PHC2: variants seen among roughly 807,000 people sequenced by gnomAD.
PHC2 encodes polyhomeotic-like protein 2.
A neutral mutation model predicts 87.4 loss-of-function variants in PHC2; 29 were observed. The observed-to-expected ratio is 0.33, with a 90% confidence interval of 0.25 to 0.45. The LOEUF (loss-of-function observed/expected upper bound fraction) is 0.45, where lower values mean the gene tolerates loss of function less well. Ranked by LOEUF, PHC2 falls within the 20% of genes least tolerant of loss-of-function variation. The probability of loss-of-function intolerance (pLI) is 1.00; values close to 1 mark genes in which losing one functional copy is unlikely to be tolerated. For synonymous variants in PHC2, 438 were observed against 461.7 expected (o/e 0.95, Z 0.66); for missense variants, 857 against 1,136.7 (o/e 0.75, Z 3.54).
At chr1:33,389,735 C>T (rs1648954803) in intron 1 of PHC2, among the ~76,000 whole-genome samples, 1 of 152,202 alleles carries the variant, frequency 6.6e-6, no homozygotes, top group African/African-American at 2.4e-5. Context: ...TCTACTGTGA[C>T]CACCGGCCTT....
intron 1 of PHC2, among the ~76,000 whole-genome samples, chr1:33,421,209 G>A (rs1650423719): frequency 6.6e-6 from 1 of 152,106 alleles, no homozygotes; most frequent in Admixed American, 6.5e-5. Flanking sequence ...GCACCCACAT[G>A]AGAAAAGCAA....
chr1:33,398,592 T>C (rs900319466), intron 1 of PHC2, among the ~76,000 whole-genome samples: 1 of 152,226 alleles, frequency 6.6e-6, no homozygotes, highest in East Asian at 1.9e-4. Context: ...ATCACAGTAT[T>C]CTTAGCACAA....
chr1:33,354,919 G>C lies in PHC2; in HGVS notation c.1311C>G (p.Pro437=). The C allele has an allele frequency of 6.2e-7, 1 of 1,614,108 alleles. No homozygotes were observed. The highest frequency in any genetic ancestry group is 8.5e-7 in the Non-Finnish European group (1 of 1,179,994). ...GTTGAGGGGTGTGGGGCACGCCCTC[G>C]GGATGTCCATTCTGAGGCCCAGTAT... is the stretch of plus-strand genomic sequence containing the variant. ...TPDTGPQNGH[P]EGVPHTPQRR... Residue 437 remains proline, a synonymous_variant, in exon 8 of 15, where the codon CCC becomes CCG. Transcript: ENST00000683057.
rs2148322148 is a variant in PHC2 at position 33,369,087 on chromosome 1, G to C, written c.577-465C>G. On this transcript the variant is annotated intron_variant, in intron 5 of 14. Coordinates refer to ENST00000683057, the MANE Select transcript of PHC2 (RefSeq NM_001385109.1). This position sits in a 1 kb window ranked among gnomAD's most constrained non-coding sequence, Gnocchi z 4.7. ...CCCAGGGCTGAGCCAAGATGAGACTGCCCTCCAGGGGATCAAGTTCGATGT... is the reference window on the plus strand; with the variant it reads ...CCCAGGGCTGAGCCAAGATGAGACTCCCCTCCAGGGGATCAAGTTCGATGT... Among the ~76,000 whole-genome samples, 1 of 152,328 alleles carries C rather than the reference G, an allele frequency of 6.6e-6. No homozygotes were observed. Among genetic ancestry groups the C allele is most frequent in the East Asian group, 1.9e-4 (1 of 5,188 alleles).
chr1:33,352,802 C>A (rs1043114442), intron 9 of PHC2, among the ~76,000 whole-genome samples: 1 of 152,136 alleles, frequency 6.6e-6, no homozygotes, highest in Non-Finnish European at 1.5e-5. Context: ...GGAAGGTGAG[C>A]GAGTGACTAC....
intron 1 of PHC2, among the ~76,000 whole-genome samples, chr1:33,384,134 G>A (rs954466566): frequency 2.0e-5 from 3 of 152,188 alleles, no homozygotes; most frequent in East Asian, 3.8e-4. Context: ...TAATATCATG[G>A]CTTTGTATGC....
In PHC2 at chr1:33,355,139, T is replaced by G; in HGVS notation, c.1091A>C (p.Gln364Pro). Residue 364 changes from glutamine to proline, a missense_variant, in exon 8 of 15, where the codon CAG (glutamine) becomes CCG (proline). Physicochemically the swap from Gln to Pro is moderately conservative, Grantham distance 76. This residue lies in a region of PHC2 where 832 missense variants were observed against 1,081.8 expected (regional missense o/e 0.77). Transcript: ENST00000683057. ...AGCTTGGAGCACAGGCCGTGACTGC[T>G]GGGGCGGCGGCTGCTGCTGTTGTGG... is the stretch of plus-strand genomic sequence containing the variant. Reference protein sequence around the residue: ...PQPQQQQPPPQQSRPVLQAEP... With the variant: ...PQPQQQQPPPPQSRPVLQAEP... The G allele has an allele frequency of 6.2e-7, 1 of 1,611,566 alleles. No individual in the cohort carries two copies. The highest frequency in any genetic ancestry group is 8.5e-7 in the Non-Finnish European group (1 of 1,179,136).
chr1:33,334,990 G>A lies in PHC2; in HGVS notation c.1559-698C>T, dbSNP rs1409137484. Among the ~76,000 whole-genome samples, 2 of 152,174 alleles carry A rather than the reference G, an allele frequency of 1.3e-5. No homozygotes were observed. The highest frequency in any genetic ancestry group is 2.9e-5 in the Non-Finnish European group (2 of 68,022). On this transcript the variant is annotated intron_variant, in intron 9 of 14. Transcript: ENST00000683057. The surrounding 1 kb of genome is among the most constrained non-coding windows in gnomAD (Gnocchi z 5.5). The stretch of plus-strand genomic sequence containing the variant: ...CTCTGCTGTTTCTGCTGAGCTGAGT[G>A]CTCTCAAAATCAGTCCTCATGCCCA...
Position 33,349,578 on chromosome 1 carries a change from C to A in PHC2, c.1558+4823G>T. On this transcript the variant is annotated intron_variant, in intron 9 of 14. Transcript: ENST00000683057. This position sits in a 1 kb window ranked among gnomAD's most constrained non-coding sequence, Gnocchi z 4.2. Reference sequence around the variant, plus strand: ...GGCCTCCCTACTGGCGAGAACCCCTCCCCCGCCCCGGCACTGACCTGTCCA... The same window carrying A: ...GGCCTCCCTACTGGCGAGAACCCCTACCCCGCCCCGGCACTGACCTGTCCA... 2.0e-6 allele frequency: 2 copies of A among 983,478 alleles called. No homozygotes were observed. The highest frequency in any genetic ancestry group is 2.4e-6 in the Non-Finnish European group (2 of 828,628). The allele number at this position is 983,478 out of a possible 1,614,324, so 60.9% of individuals were successfully genotyped here.
At position 33,332,210 on chromosome 1, in the gene PHC2, G is replaced by A. The variant is rs1200912470; in HGVS notation, c.1891+65C>T. On this transcript the variant is annotated intron_variant, in intron 11 of 14. Coordinates refer to ENST00000683057, the MANE Select transcript of PHC2 (RefSeq NM_001385109.1). The surrounding 1 kb of genome is among the most constrained non-coding windows in gnomAD (Gnocchi z 4.2). Reference sequence around the variant, plus strand: ...TCCTCTGGGGAAACAGAGAGAGGAAGTGTGTGAGGCCTGCCTTTCCAGCCA... The same window carrying A: ...TCCTCTGGGGAAACAGAGAGAGGAAATGTGTGAGGCCTGCCTTTCCAGCCA... 2.5e-6 allele frequency: 4 copies of A among 1,590,870 alleles called. No individual in the cohort carries two copies. The highest frequency in any genetic ancestry group is 1.7e-5 in the Admixed American group (1 of 59,676).
chr1:33,341,349 G>C (rs982041354), intron 9 of PHC2, among the ~76,000 whole-genome samples: 1 of 152,212 alleles, frequency 6.6e-6, no homozygotes, highest in Non-Finnish European at 1.5e-5. Context: ...ATAGCACGAG[G>C]GCACTTGGGA....
intron 9 of PHC2, among the ~76,000 whole-genome samples, chr1:33,340,789 A>G (rs1646729148): frequency 6.6e-6 from 1 of 152,176 alleles, no homozygotes; most frequent in Non-Finnish European, 1.5e-5. Context: ...GACAGAGTCC[A>G]TCAATTAGAG....
chr1:33,373,447 C>G (rs1437973591), intron 2 of PHC2, among the ~76,000 whole-genome samples: 1 of 151,976 alleles, frequency 6.6e-6, no homozygotes, highest in African/African-American at 2.4e-5. Context: ...CTTCCTCTCT[C>G]TCTCCATCAT....
At chr1:33,347,548 G>A (rs1410284718) in intron 9 of PHC2, 2 of 985,296 alleles carry the variant, frequency 2.0e-6, no homozygotes, top group Non-Finnish European at 2.4e-6. Context: ...TGTGCCACAT[G>A]TCAGTAAAGA....
Position 33,369,203 on chromosome 1 carries a change from A to G in PHC2, c.577-581T>C, listed in dbSNP as rs2148322335. ...AAGCGGACCGCCTGGAGCCGTCCTC[A>G]TGTCTGAATCCCATCCTGCAGGGTG... On this transcript the variant is annotated intron_variant, in intron 5 of 14. Coordinates refer to ENST00000683057, the MANE Select transcript of PHC2 (RefSeq NM_001385109.1). This position sits in a 1 kb window ranked among gnomAD's most constrained non-coding sequence, Gnocchi z 4.7. Among the ~76,000 whole-genome samples the G allele has an allele frequency of 6.6e-6, 1 of 152,348 alleles. No homozygotes were observed. Among genetic ancestry groups the G allele is most frequent in the East Asian group, 1.9e-4 (1 of 5,182 alleles).
At chr1:33,353,623 T>A (rs562482202) in intron 9 of PHC2, among the ~76,000 whole-genome samples, 3 of 152,312 alleles carry the variant, frequency 2.0e-5, no homozygotes, top group Admixed American at 2.0e-4. Flanking sequence ...AAACTCTTTT[T>A]CTCTTTCCTG....
chr1:33,377,673 G>A (rs1648254706), intron 1 of PHC2, among the ~76,000 whole-genome samples: 10 of 151,702 alleles, frequency 6.6e-5, no homozygotes, highest in Admixed American at 6.6e-4. Context: ...TCATCTGCTT[G>A]TAGAGTATAC....
intron 14 of PHC2, 118 bp from the exon 15 acceptor site, chr1:33,325,137 A>AAGGCGTGGTTATGAGGAC: frequency 9.7e-7 from 1 of 1,025,982 alleles, no homozygotes; most frequent in Non-Finnish European, 1.4e-6. Context: ...TTTAGTCCTC[A>AAGGCGTGGTTATGAGGAC]TAACCACGCC....
At chr1:33,328,372 AATT>A (rs1468136335) in intron 14 of PHC2, among the ~76,000 whole-genome samples, 2 of 126,462 alleles carry the variant, frequency 1.6e-5, no homozygotes, top group African/African-American at 6.0e-5. Context: ...ACATTTTCTT[AATT>A]AAATTTTTTT....
Sources: allele counts gnomAD v4.1 joint callset (sites outside exome capture counted in the v4.1 genomes callset), GRCh38; gene constraint gnomAD v4.1.1; regional missense constraint gnomAD v4.1.1; non-coding constraint Gnocchi (gnomAD v3.1); transcripts MANE v1.5; gene names NCBI Gene and HGNC (gene_info 2026-07-23, HGNC 2026-07-21).